The following SLC12A7 variants were observed in gnomAD, a reference collection of about 807,000 sequenced individuals.
SLC12A7 encodes the protein solute carrier family 12 member 7.
A neutral mutation model predicts 120.6 loss-of-function variants in SLC12A7; 100 were observed. That is an observed-to-expected ratio of 0.83 (90% CI 0.71 to 0.98). SLC12A7 has a LOEUF of 0.98. SLC12A7 is among the 50% of genes least tolerant of loss of function. SLC12A7 has a pLI of 0.00. For missense variants in SLC12A7, 1,373 were observed against 1,548.1 expected, an observed-to-expected ratio of 0.89 and a Z score of 1.90; for synonymous variants, 760 against 678.0, an observed-to-expected ratio of 1.12 and a Z score of -1.88.
At chr5:1,127,930 A>G in the SLC12A7 span, among the ~76,000 whole-genome samples, 1 of 152,172 alleles carries the variant, frequency 6.6e-6, no homozygotes, top group South Asian at 2.1e-4. Flanking sequence ...GCACGAGGAG[A>G]TGCCCACACC....
chr5:1,084,003 C>G lies in SLC12A7; in HGVS notation c.918-47G>C, dbSNP rs202027437. 26 of 1,543,576 alleles carry G rather than the reference C, an allele frequency of 1.7e-5. 1 individual carries two copies. In the East Asian group the frequency reaches 4.5e-4, roughly 27 times the overall value. On this transcript the variant is annotated intron_variant, in intron 7 of 23. Transcript: ENST00000264930. ...GGCACGTGTGCTGCCACCGAAGTGG[C>G]TTTTACTGCCCCACCCAGCTCCCCC...
At chr5:1,099,869 G>A (rs532343531) in intron 1 of SLC12A7, among the ~76,000 whole-genome samples, 3 of 152,344 alleles carry the variant, frequency 2.0e-5, no homozygotes, top group East Asian at 3.9e-4. Flanking sequence ...GGTCCCCTCC[G>A]GCGGGTGTAC....
At chr5:1,123,216 C>T in the SLC12A7 span, among the ~76,000 whole-genome samples, 1 of 152,164 alleles carries the variant, frequency 6.6e-6, no homozygotes, top group Non-Finnish European at 1.5e-5. Context: ...CTGTGGGGCC[C>T]CAGGGAGGCA....
intron 8 of SLC12A7, 61 bp from the exon 9 acceptor site, chr5:1,081,805 G>A (rs1739156494): frequency 4.5e-6 from 7 of 1,562,184 alleles, no homozygotes; most frequent in Non-Finnish European, 6.1e-6. Flanking sequence ...CCCCGCCATG[G>A]GGCCGCCCAC....
intron 1 of SLC12A7, among the ~76,000 whole-genome samples, chr5:1,099,196 C>T (rs945163511): frequency 9.2e-5 from 14 of 152,168 alleles, no homozygotes; most frequent in African/African-American, 3.4e-4. Flanking sequence ...TCTCCCCAGC[C>T]AAACCCCACC....
At chr5:1,147,647 G>C in the SLC12A7 span, among the ~76,000 whole-genome samples, 1 of 152,080 alleles carries the variant, frequency 6.6e-6, no homozygotes, top group Admixed American at 6.5e-5. Context: ...AAATCTCTCT[G>C]CTCCCCTTCA....
intron 19 of SLC12A7, 22 bp downstream of exon 19, chr5:1,064,061 G>A (rs775921517): frequency 7.1e-5 from 114 of 1,600,976 alleles, no homozygotes; most frequent in African/African-American, 9.4e-5. Flanking sequence ...TCCGGCTGGC[G>A]TGTCCCCGTC....
Position 1,052,318 on chromosome 5 carries a change from G to T in SLC12A7, c.*42C>A. 1.3e-6 allele frequency: 2 copies of T among 1,549,748 alleles called. No homozygotes were observed. Among genetic ancestry groups the T allele is most frequent in the Non-Finnish European group, 1.8e-6 (2 of 1,122,964 alleles). On this transcript the variant is annotated 3_prime_UTR_variant, in exon 24 of 24. Coordinates refer to ENST00000264930, the MANE Select transcript of SLC12A7 (RefSeq NM_006598.3). ...AGCCCAGGCCCAGGCTGCCCACGCC[G>T]TCCTCCGTGCCTGTCCCAGAGTGCC... is the stretch of plus-strand genomic sequence containing the variant.
Position 1,076,688 on chromosome 5 carries a change from G to GCT in SLC12A7, c.1748+4_1748+5dup, listed in dbSNP as rs757368684. The GCT allele has an allele frequency of 6.2e-7, 1 of 1,601,638 alleles. No homozygotes were observed. On this transcript the variant is annotated splice_donor_region_variant and intron_variant, in intron 13 of 23. Transcript: ENST00000264930. ...ATCCCCAGGTCCCCGTCCTGTGGGG[G>GCT]CTCACATGGAGAGGATCGGGGCCAC...
chr5:1,075,301 C>T lies in SLC12A7; in HGVS notation c.1967+70G>A. On this transcript the variant is annotated intron_variant, in intron 15 of 23. Transcript: ENST00000264930. ...CAGGGAGGCCCCTCCAGGGAGCTGC[C>T]CCAGGCATAGCATGAGAGGGGCCCG... 2.6e-6 allele frequency: 4 copies of T among 1,563,350 alleles called. No homozygotes were observed. The South Asian group carries it at 3.5e-5, about 14-fold the overall frequency.
chr5:1,061,537 C>T (rs1289705806), intron 20 of SLC12A7, among the ~76,000 whole-genome samples: 1 of 144,576 alleles, frequency 6.9e-6, no homozygotes, highest in Non-Finnish European at 1.5e-5. Context: ...CCGCATCCGC[C>T]ATGCGGGACC....
chr5:1,113,362 C>A (rs1256293964), upstream of SLC12A7, among the ~76,000 whole-genome samples: 2 of 152,172 alleles, frequency 1.3e-5, no homozygotes, highest in African/African-American at 4.8e-5. Flanking sequence ...GTGGGATCAC[C>A]GGGCTCTGTG....
At chr5:1,077,703 G>T in intron 12 of SLC12A7, 130 bp downstream of exon 12, 1 of 965,478 alleles carries the variant, frequency 1.0e-6, no homozygotes, top group Non-Finnish European at 1.5e-6. Flanking sequence ...GTGGCCAGGG[G>T]CAGAATGACC....
At chr5:1,132,019 A>G in the SLC12A7 span, among the ~76,000 whole-genome samples, 1 of 152,194 alleles carries the variant, frequency 6.6e-6, no homozygotes, top group Non-Finnish European at 1.5e-5. Context: ...AGGGATTCTC[A>G]GTCACAAGGT....
rs544428735 is a variant in SLC12A7 at position 1,075,530 on chromosome 5, T to G, written c.1848-40A>C. The G allele has an allele frequency of 1.9e-6, 3 of 1,586,864 alleles. No homozygotes were observed. In the East Asian group the frequency reaches 6.8e-5, roughly 36 times the overall value. Reference sequence around the variant, plus strand: ...AGTGGCTCGGGGCGGCCCAACGCCATGCAGCCCCCACACCTCAGCCACCAC... The same window carrying G: ...AGTGGCTCGGGGCGGCCCAACGCCAGGCAGCCCCCACACCTCAGCCACCAC... On this transcript the variant is annotated intron_variant, in intron 14 of 23. Coordinates refer to ENST00000264930, the MANE Select transcript of SLC12A7 (RefSeq NM_006598.3).
the SLC12A7 span, among the ~76,000 whole-genome samples, chr5:1,151,368 G>T: frequency 6.6e-6 from 1 of 152,100 alleles, no homozygotes; most frequent in East Asian, 1.9e-4. This position sits in a 1 kb window ranked among gnomAD's most constrained non-coding sequence, Gnocchi z 6.2. Context: ...ATGTCAGTGG[G>T]CGCCGTTGCT....
intron 1 of SLC12A7, among the ~76,000 whole-genome samples, chr5:1,110,208 G>C (rs1296506683): frequency 6.6e-6 from 1 of 152,254 alleles, no homozygotes; most frequent in Non-Finnish European, 1.5e-5. Flanking sequence ...AGCGCCAGGT[G>C]CAAGTTCTCT....
chr5:1,074,000 G>A (rs946843858), intron 16 of SLC12A7, among the ~76,000 whole-genome samples, 199 bp from the exon 17 acceptor site: 7 of 152,266 alleles, frequency 4.6e-5, no homozygotes, highest in African/African-American at 1.7e-4. Context: ...TTGAACAGGT[G>A]ACAGGTGAGA....
At chr5:1,056,720 C>CA (rs1735653731) in intron 22 of SLC12A7, 3 of 290,744 alleles carry the variant, frequency 1.0e-5, no homozygotes. Context: ...CAGGAGCCCC[C>CA]AGCCCTTCCT....
Sources: allele counts gnomAD v4.1 joint callset (sites outside exome capture counted in the v4.1 genomes callset), GRCh38; gene constraint gnomAD v4.1.1; non-coding constraint Gnocchi (gnomAD v3.1); transcripts MANE v1.5; gene names NCBI Gene and HGNC (gene_info 2026-07-23, HGNC 2026-07-21).